The following DYNC2I1 variants were observed in gnomAD, a reference collection of about 807,000 sequenced individuals.
DYNC2I1 encodes the protein cytoplasmic dynein 2 intermediate chain 1.
Under a neutral mutation model 133.4 loss-of-function variants are expected in DYNC2I1, and 89 were observed. That is an observed-to-expected ratio of 0.67 (90% CI 0.56 to 0.80). The LOEUF (loss-of-function observed/expected upper bound fraction) is 0.80, where lower values mean the gene tolerates loss of function less well. DYNC2I1 is among the 30% of genes least tolerant of loss of function. The pLI is 0.00. For missense variants in DYNC2I1, 1,291 were observed against 1,314.5 expected (o/e 0.98, Z 0.28); for synonymous variants, 504 against 484.3 (o/e 1.04, Z -0.54).
intron 1 of DYNC2I1, among the ~76,000 whole-genome samples, chr7:158,862,552 T>TAAAAA (rs71200073): frequency 9.4e-6 from 1 of 105,852 alleles, no homozygotes; most frequent in Admixed American, 1.1e-4. Flanking sequence ...CCCTATCTCT[T>TAAAAA]AAAAAAAAAA....
intron 4 of DYNC2I1, among the ~76,000 whole-genome samples, chr7:158,952,211 G>GT (rs747448026): frequency 1.1e-4 from 17 of 152,226 alleles, no homozygotes; most frequent in Non-Finnish European, 1.8e-4. Context: ...GTCACATGTT[G>GT]TGGGGGATGG....
chr7:158,897,775 T>C (rs1342847912), intron 8 of DYNC2I1, among the ~76,000 whole-genome samples: 2 of 152,220 alleles, frequency 1.3e-5, no homozygotes, highest in African/African-American at 4.8e-5. Context: ...ATTTCTTTTT[T>C]CTGCTTACTT....
At chr7:158,844,866 C>T in the DYNC2I1 span, among the ~76,000 whole-genome samples, 1 of 152,328 alleles carries the variant, frequency 6.6e-6, no homozygotes, top group African/African-American at 2.4e-5. Context: ...GGTGATCCAC[C>T]TGCCTCAGTC....
chr7:158,935,209 CGCTGCACTCAT>C (rs1850627761), intron 23 of DYNC2I1, among the ~76,000 whole-genome samples: 1 of 152,224 alleles, frequency 6.6e-6, no homozygotes, highest in Non-Finnish European at 1.5e-5. Flanking sequence ...GCAGTCCCTG[CGCTGCACTCAT>C]GCTGCAGGAA....
intron 14 of DYNC2I1, among the ~76,000 whole-genome samples, chr7:158,914,600 ATAGAC>A (rs1420151338): frequency 6.6e-6 from 1 of 151,916 alleles, no homozygotes; most frequent in Non-Finnish European, 1.5e-5. Flanking sequence ...TAAAACAACT[ATAGAC>A]TAGCAGACAC....
chr7:158,858,396 G>GA (rs1841517024), intron 1 of DYNC2I1, among the ~76,000 whole-genome samples: 1 of 151,920 alleles, frequency 6.6e-6, no homozygotes, highest in African/African-American at 2.4e-5. Flanking sequence ...CTCTACTCAG[G>GA]GAACAATGTT....
intron 7 of DYNC2I1, 73 bp from the exon 8 acceptor site, chr7:158,891,192 G>T (rs925684062): frequency 2.5e-5 from 39 of 1,547,124 alleles, no homozygotes; most frequent in Middle Eastern, 1.9e-4. Flanking sequence ...GGTGGGGTGG[G>T]GGGGAGCTGC....
chr7:158,914,221 TG>T lies in DYNC2I1; in HGVS notation c.1703-11del. 1 of 1,602,112 alleles carries T rather than the reference TG, an allele frequency of 6.2e-7. No homozygotes were observed. Among genetic ancestry groups the T allele is most frequent in the African/African-American group, 1.3e-5 (1 of 74,876 alleles). ...TCGACTTCGTTGATTTTATATAAAC[TG>T]TTTTTTTTAGGCAGTGAACAAAGAG... On this transcript the variant is annotated splice_polypyrimidine_tract_variant and intron_variant, in intron 13 of 24. Coordinates refer to ENST00000407559, the MANE Select transcript of DYNC2I1 (RefSeq NM_018051.5).
At chr7:158,869,976 C>A (rs1842733933) in intron 2 of DYNC2I1, 68 bp downstream of exon 2, 1 of 1,365,194 alleles carries the variant, frequency 7.3e-7, no homozygotes, top group Non-Finnish European at 1.0e-6. Context: ...ACCTGCTTTA[C>A]CTGGTACACA....
intron 3 of DYNC2I1, among the ~76,000 whole-genome samples, chr7:158,873,091 TAAAC>T (rs1274201010): frequency 1.3e-5 from 2 of 152,034 alleles, no homozygotes; most frequent in Non-Finnish European, 2.9e-5. Context: ...TAAACAAAAA[TAAAC>T]CTCTTTGATA....
At chr7:158,874,598 ATCTCT>A (rs1022574090) in intron 3 of DYNC2I1, among the ~76,000 whole-genome samples, 41 of 152,052 alleles carry the variant, frequency 2.7e-4, no homozygotes, top group Non-Finnish European at 1.6e-4. Flanking sequence ...TCCTCTGTAC[ATCTCT>A]TCTCATCTCC....
At chr7:158,927,446 A>C (rs140170702) in intron 20 of DYNC2I1, among the ~76,000 whole-genome samples, 261 of 152,284 alleles carry the variant, frequency 1.7e-3, no homozygotes, top group African/African-American at 6.1e-3. Context: ...GCTTTGAAAA[A>C]TATAAATTAC....
chr7:158,930,247 TTGAACTG>T (rs1425472547), intron 20 of DYNC2I1, among the ~76,000 whole-genome samples: 11 of 152,216 alleles, frequency 7.2e-5, no homozygotes, highest in Admixed American at 4.6e-4. Flanking sequence ...CCATAAGACT[TTGAACTG>T]TGAATTCTCG....
Position 158,871,364 on chromosome 7 carries a change from G to T in DYNC2I1, c.292G>T (p.Asp98Tyr). ...GAGGGAGAGGAGAAGAGACGCAAAA[G>T]ACCGGGAGAAAGAAAAGCTGAAGGA... ...RQRERRRDAK[D>Y]REKEKLKEKH... The change falls in exon 3 of 25, where the codon GAC becomes TAC. Residue 98 changes from aspartate (D) to tyrosine (Y), a missense_variant. Physicochemically the swap from Asp to Tyr is radical, Grantham distance 160 (BLOSUM62 -3). Transcript: ENST00000407559. The T allele has an allele frequency of 6.4e-7, 1 of 1,551,058 alleles. No individual in the cohort carries two copies. The highest frequency in any genetic ancestry group is 8.7e-7 in the Non-Finnish European group (1 of 1,146,600).
chr7:158,875,770 G>A (rs568585734), intron 3 of DYNC2I1, among the ~76,000 whole-genome samples: 1 of 152,296 alleles, frequency 6.6e-6, no homozygotes, highest in East Asian at 1.9e-4. Context: ...GGGCTGCTCT[G>A]GGTCCTCAGT....
At position 158,915,125 on chromosome 7, in the gene DYNC2I1, A is replaced by G. The variant is rs989546546; in HGVS notation, c.1791+804A>G. 2.0e-4 allele frequency among the ~76,000 whole-genome samples: 31 copies of G among 152,114 alleles called. 1 individual carries two copies. The highest frequency in any genetic ancestry group is 7.5e-4 in the African/African-American group (31 of 41,480). On this transcript the variant is annotated intron_variant, in intron 14 of 24. Coordinates refer to ENST00000407559, the MANE Select transcript of DYNC2I1 (RefSeq NM_018051.5). ...CATTAAGGATGATTGTAAAACCTTG[A>G]CACGCTGGTTGAGATTAAGGATGAT...
chr7:158,872,989 TAA>T (rs899113805), intron 3 of DYNC2I1, among the ~76,000 whole-genome samples: 1 of 144,606 alleles, frequency 6.9e-6, no homozygotes. Flanking sequence ...AGACTCTGTC[TAA>T]AAAAAAAAAC....
intron 4 of DYNC2I1, among the ~76,000 whole-genome samples, chr7:158,952,306 C>T (rs1852078877): frequency 1.3e-5 from 2 of 152,172 alleles, no homozygotes; most frequent in Admixed American, 1.3e-4. Flanking sequence ...GGAGGAGCAG[C>T]TCCCATCCCA....
intron 4 of DYNC2I1, among the ~76,000 whole-genome samples, chr7:158,954,906 T>C (rs868723297): frequency 1.5e-5 from 2 of 137,454 alleles, no homozygotes; most frequent in South Asian, 2.6e-4. Flanking sequence ...ACCCCCACCA[T>C]GCCCCGTCCC....
Sources: allele counts gnomAD v4.1 joint callset (sites outside exome capture counted in the v4.1 genomes callset), GRCh38; gene constraint gnomAD v4.1.1; transcripts MANE v1.5; gene names NCBI Gene and HGNC (gene_info 2026-07-23, HGNC 2026-07-21).